DNTT: variants seen among roughly 807,000 people sequenced by gnomAD.
DNTT encodes the protein nucleosidetriphosphate:DNA deoxynucleotidylexotransferase.
In DNTT, 47 loss-of-function variants were observed where a neutral mutation model predicts 60.9. The observed-to-expected ratio is 0.77, with a 90% CI of 0.61 to 0.98. DNTT has a LOEUF of 0.98. Among genes scored for constraint, DNTT ranks in the 50% least tolerant of loss-of-function variants. The pLI is 0.00. For synonymous variants in DNTT, 224 were observed against 221.2 expected, an observed-to-expected ratio of 1.01 and a Z score of -0.11; for missense variants, 665 against 627.5, an observed-to-expected ratio of 1.06 and a Z score of -0.64.
In DNTT at chr10:96,327,581, A is replaced by G. The variant is rs768525306; in HGVS notation, c.988A>G (p.Met330Val). The change falls in exon 7 of 11, where the codon ATG becomes GTG. Residue 330 changes from methionine (M) to valine (V), a missense_variant. Coordinates refer to ENST00000371174, the MANE Select transcript of DNTT (RefSeq NM_004088.4). ...WAFLPDAFVT[M>V]TGGFRRGKKM... The stretch of plus-strand genomic sequence containing the variant: ...ATTTCTTCCGGATGCTTTCGTCACC[A>G]TGACAGGAGGGTTCCGGAGGTAAAT... 1.9e-6 allele frequency: 3 copies of G among 1,613,808 alleles called. No individual in the cohort carries two copies. Among genetic ancestry groups the G allele is most frequent in the Admixed American group, 1.7e-5 (1 of 60,010 alleles).
rs1270382206 is a variant in DNTT at position 96,332,368 on chromosome 10, T to C, written c.1131T>C (p.Tyr377=). 2 of 1,614,124 alleles carry C rather than the reference T, an allele frequency of 1.2e-6. No homozygotes were observed. Among genetic ancestry groups the C allele is most frequent in the Non-Finnish European group, 1.7e-6 (2 of 1,179,964 alleles). Reference sequence around the variant, plus strand: ...CTTTTCAGGGATTACTTTTATATTATGACCTTGTGGAGTCAACATTTGAAA... The same window carrying C: ...CTTTTCAGGGATTACTTTTATATTACGACCTTGTGGAGTCAACATTTGAAA... ...LWEKKGLLLY[Y]DLVESTFEKL... Residue 377 remains tyrosine, a synonymous_variant, in exon 9 of 11, where the codon TAT becomes TAC. Coordinates refer to ENST00000371174, the MANE Select transcript of DNTT (RefSeq NM_004088.4).
At chr10:96,327,429 G>T in intron 6 of DNTT, 39 bp from the exon 7 acceptor site, 1 of 1,613,932 alleles carries the variant, frequency 6.2e-7, no homozygotes, top group South Asian at 1.1e-5. Flanking sequence ...TTTCACACAC[G>T]TGTCACTCTC....
At position 96,335,947 on chromosome 10, in the gene DNTT, T is replaced by C; in HGVS notation, c.1416T>C (p.Asp472=). ...YATHERKMIL[D]NHALYDKTKR... Reference sequence around the variant, plus strand: ...CACATGAGCGGAAGATGATTCTGGATAACCATGCTTTATATGACAAGACCA... The same window carrying C: ...CACATGAGCGGAAGATGATTCTGGACAACCATGCTTTATATGACAAGACCA... Residue 472 remains aspartate, a synonymous_variant, in exon 10 of 11, where the codon GAT becomes GAC. Coordinates refer to ENST00000371174, the MANE Select transcript of DNTT (RefSeq NM_004088.4). The C allele has an allele frequency of 6.2e-7, 1 of 1,614,232 alleles. No individual in the cohort carries two copies.
chr10:96,321,673 C>T (rs1399212965), intron 4 of DNTT, among the ~76,000 whole-genome samples: 2 of 152,106 alleles, frequency 1.3e-5, no homozygotes, highest in Non-Finnish European at 2.9e-5. Context: ...CAGACCATCA[C>T]GGAATTGCCT....
intron 1 of DNTT, among the ~76,000 whole-genome samples, chr10:96,307,777 AT>A (rs1554920345): frequency 1.6e-5 from 2 of 126,020 alleles, no homozygotes; most frequent in African/African-American, 6.2e-5. Context: ...ATATATATAT[AT>A]TTTTTTTTTT....
At chr10:96,318,597 A>G (rs1401485302) in intron 2 of DNTT, 71 bp downstream of exon 2, 2 of 1,537,482 alleles carry the variant, frequency 1.3e-6, no homozygotes, top group East Asian at 4.6e-5. Context: ...GGATCAACGG[A>G]GCTGGGGTAA....
At chr10:96,324,947 G>GAA (rs1844922644) in intron 6 of DNTT, among the ~76,000 whole-genome samples, 4 of 152,098 alleles carry the variant, frequency 2.6e-5, no homozygotes, top group African/African-American at 9.7e-5. Context: ...GGAAATCTAG[G>GAA]CACAGGGTTG....
chr10:96,307,957 G>A (rs893622489), intron 1 of DNTT, among the ~76,000 whole-genome samples: 3 of 151,356 alleles, frequency 2.0e-5, no homozygotes, highest in South Asian at 4.2e-4. Flanking sequence ...ATGGGGTTCC[G>A]CCATGTTGCC....
intron 1 of DNTT, among the ~76,000 whole-genome samples, chr10:96,315,332 G>A (rs1564870390): frequency 1.3e-5 from 2 of 151,224 alleles, no homozygotes; most frequent in African/African-American, 4.9e-5. Flanking sequence ...AACTTACCTT[G>A]TTGGGAACTA....
In DNTT at chr10:96,338,424, T is replaced by G; in HGVS notation, c.*200T>G. ...GGTTCTAATAGGCCATGTTTATGAC[T>G]GTTGCATAGAATTCACAATGCATTT... On this transcript the variant is annotated 3_prime_UTR_variant, in exon 11 of 11. Coordinates refer to ENST00000371174, the MANE Select transcript of DNTT (RefSeq NM_004088.4). 1 of 444,284 alleles carries G rather than the reference T, an allele frequency of 2.3e-6. No homozygotes were observed. Among genetic ancestry groups the G allele is most frequent in the Non-Finnish European group, 4.0e-6 (1 of 251,062 alleles). The allele number at this position is 444,284 out of a possible 1,614,324, so 27.5% of individuals were successfully genotyped here.
chr10:96,338,224 G>C lies in DNTT; in HGVS notation c.1530G>C (p.Ter510TyrextTer14). ...TTGAACCGTGGGAAAGAAATGCCTAGGAAAGTGTTGTCAACATTTTTTTCC... is the reference window on the plus strand; with the variant it reads ...TTGAACCGTGGGAAAGAAATGCCTACGAAAGTGTTGTCAACATTTTTTTCC... ...DYIEPWERNA[*>Y] The change falls in exon 11 of 11, where the codon TAG becomes TAC. Residue 510 changes from the stop codon to tyrosine, a stop_lost. Transcript: ENST00000371174. 1 of 1,603,586 alleles carries C rather than the reference G, an allele frequency of 6.2e-7. No homozygotes were observed. Among genetic ancestry groups the C allele is most frequent in the South Asian group, 1.1e-5 (1 of 88,084 alleles).
At chr10:96,322,794 GGTTGTATTA>G in intron 5 of DNTT, 66 bp downstream of exon 5, 4 of 1,329,050 alleles carry the variant, frequency 3.0e-6, no homozygotes, top group Non-Finnish European at 4.2e-6. Flanking sequence ...TATTCTGGCT[GGTTGTATTA>G]GTCAGCTTGG....
rs753039066 is a variant in DNTT, at chr10:96,304,609, T to G, written c.112T>G (p.Phe38Val). The part of the protein sequence containing the change: ...QDIKFQDLVV[F>V]ILEKKMGTTR... ...CATCAAATTTCAAGATTTGGTCGTC[T>G]TCATTTTGGAGAAGAAAATGGGAAC... is the stretch of plus-strand genomic sequence containing the variant. The change falls in exon 1 of 11, where the codon TTC (phenylalanine) becomes GTC (valine). Residue 38 changes from phenylalanine to valine, a missense_variant. Transcript: ENST00000371174. 1 of 1,614,038 alleles carries G rather than the reference T, an allele frequency of 6.2e-7. No individual in the cohort carries two copies. The highest frequency in any genetic ancestry group is 1.3e-5 in the African/African-American group (1 of 74,924).
chr10:96,327,677 G>T, intron 7 of DNTT, 77 bp downstream of exon 7: 1 of 1,536,748 alleles, frequency 6.5e-7, no homozygotes, highest in Non-Finnish European at 8.7e-7. Context: ...CATCTGAAAC[G>T]GCACAAAAGG....
intron 4 of DNTT, among the ~76,000 whole-genome samples, chr10:96,322,371 C>T (rs1195099649): frequency 1.3e-5 from 2 of 152,168 alleles, no homozygotes; most frequent in Non-Finnish European, 2.9e-5. Context: ...TTTGGACATA[C>T]ATTTTTCAGT....
intron 3 of DNTT, 62 bp from the exon 4 acceptor site, chr10:96,320,556 G>A: frequency 6.3e-7 from 1 of 1,583,822 alleles, no homozygotes; most frequent in Non-Finnish European, 8.6e-7. Flanking sequence ...AGGCGTTTGT[G>A]AGTGACCACT....
chr10:96,319,252 A>G lies in DNTT; in HGVS notation c.379-10A>G. On this transcript the variant is annotated splice_polypyrimidine_tract_variant and intron_variant, in intron 2 of 10. Coordinates refer to ENST00000371174, the MANE Select transcript of DNTT (RefSeq NM_004088.4). ...TTTTATTGAAAATGGATGCTTATGC[A>G]TTTGTTTAGGTGAGAAGAGACTATT... 6.2e-7 allele frequency: 1 copy of G among 1,611,576 alleles called. No individual in the cohort carries two copies. The highest frequency in any genetic ancestry group is 8.5e-7 in the Non-Finnish European group (1 of 1,178,710).
rs1460217353 is a variant in DNTT, at chr10:96,304,768, G to A, written c.203+68G>A. ...TGTGAACAGCTTCTTGGGAACCCAA[G>A]GAACCTGTGTTTTCTTCCACATGTG... is the stretch of plus-strand genomic sequence containing the variant. On this transcript the variant is annotated intron_variant, in intron 1 of 10. Transcript: ENST00000371174. The A allele has an allele frequency of 1.2e-5, 18 of 1,525,924 alleles. No individual in the cohort carries two copies. The South Asian group carries it at 1.9e-4, about 16-fold the overall frequency. The allele number at this position is 1,525,924 out of a possible 1,614,324, so 94.5% of individuals were successfully genotyped here. A position where few individuals can be genotyped will look rare whatever the true frequency, so the allele number is the denominator to read the frequency against.
In DNTT at chr10:96,327,618, CT is replaced by C. The variant is rs1362337962; in HGVS notation, c.1007+21del. The stretch of plus-strand genomic sequence containing the variant: ...TTCCGGAGGTAAATAACTTGGGTGG[CT>C]TTGCCTCCTCTGCCCGAATACTTCA... On this transcript the variant is annotated intron_variant, in intron 7 of 10. Coordinates refer to ENST00000371174, the MANE Select transcript of DNTT (RefSeq NM_004088.4). The C allele has an allele frequency of 2.5e-6, 4 of 1,605,244 alleles. No individual in the cohort carries two copies. Among genetic ancestry groups the C allele is most frequent in the Non-Finnish European group, 3.4e-6 (4 of 1,176,198 alleles).
Sources: gnomAD v4.1 joint callset for allele counts (sites outside exome capture counted in the v4.1 genomes callset) on GRCh38, gnomAD v4.1.1 for gene constraint, MANE v1.5 for transcripts, NCBI Gene and HGNC (gene_info 2026-07-23, HGNC 2026-07-21) for gene names.